RERE: variants seen among roughly 807,000 people sequenced by gnomAD.
RERE encodes arginine-glutamic acid dipeptide repeats protein.
RERE carries 40 observed loss-of-function variants against 146.1 expected under a neutral mutation model. The observed-to-expected ratio is 0.27, with a 90% CI of 0.21 to 0.36. The LOEUF is 0.36. Ranked by LOEUF, RERE falls within the 10% of genes least tolerant of loss-of-function variation. The pLI, the probability that RERE is intolerant of heterozygous loss-of-function variation, is 1.00. For missense variants in RERE, 1,933 were observed against 2,138.7 expected (o/e 0.90, Z 1.90); for synonymous variants, 1,003 against 866.0 (o/e 1.16, Z -2.78).
intron 1 of RERE, among the ~76,000 whole-genome samples, chr1:8,774,951 C>CTTTTTTTTTTTTTTT (rs869173167): frequency 2.3e-4 from 11 of 47,974 alleles, no homozygotes; most frequent in Admixed American, 5.6e-4. Context: ...TTCTTTCTTT[C>CTTTTTTTTTTTTTTT]TTTTTTTTTT....
chr1:8,734,101 C>T (rs773694146), intron 1 of RERE, among the ~76,000 whole-genome samples: 3 of 152,036 alleles, frequency 2.0e-5, no homozygotes, highest in Non-Finnish European at 2.9e-5. Flanking sequence ...GGTGAGACTC[C>T]GTCTCAAAAA....
At chr1:8,366,942 C>CCAAAAAACAAACACA (rs1641830732) in intron 12 of RERE, among the ~76,000 whole-genome samples, 1 of 135,050 alleles carries the variant, frequency 7.4e-6, no homozygotes. Flanking sequence ...AAAAAAAAAA[C>CCAAAAAACAAACACA]CCAAAAAACA....
Position 8,359,967 on chromosome 1 carries a change from GGTC to G in RERE, c.3412_3414del (p.Asp1138del). On this transcript the variant is annotated inframe_deletion, in exon 19 of 23. Coordinates refer to ENST00000400908, the MANE Select transcript of RERE (RefSeq NM_001042681.2). The stretch of plus-strand genomic sequence containing the variant: ...GTCCGGGCACACGAGTTGTAGCCCC[GGTC>G]CAGGTGTTTGTAGAACCTGAGAAAA... The G allele has an allele frequency of 6.2e-7, 1 of 1,612,826 alleles. No homozygotes were observed.
chr1:8,755,700 T>G (rs1014253067), intron 1 of RERE, among the ~76,000 whole-genome samples: 46 of 152,178 alleles, frequency 3.0e-4, no homozygotes, highest in African/African-American at 1.1e-3. Flanking sequence ...CAAGACTTTC[T>G]AGGCAAGCAA....
chr1:8,452,957 C>T (rs1377470782), intron 11 of RERE, among the ~76,000 whole-genome samples: 3 of 152,134 alleles, frequency 2.0e-5, no homozygotes, highest in Non-Finnish European at 4.4e-5. Context: ...AGTAGCATGG[C>T]GTGATGCTCA....
At chr1:8,392,101 A>T (rs997291203) in intron 12 of RERE, among the ~76,000 whole-genome samples, 5 of 152,212 alleles carry the variant, frequency 3.3e-5, no homozygotes, top group Non-Finnish European at 7.3e-5. Flanking sequence ...CTCACAACTC[A>T]CACAATGTTC....
At chr1:8,738,170 T>A (rs994073010) in intron 1 of RERE, among the ~76,000 whole-genome samples, 1 of 152,198 alleles carries the variant, frequency 6.6e-6, no homozygotes, top group Non-Finnish European at 1.5e-5. Flanking sequence ...GGGGCAAACC[T>A]ACACCTCTCC....
chr1:8,693,176 C>T (rs574510266), intron 1 of RERE, among the ~76,000 whole-genome samples: 11 of 152,320 alleles, frequency 7.2e-5, no homozygotes, highest in African/African-American at 2.6e-4. Context: ...CCTCGCAAGA[C>T]AGCATGGCCG....
In RERE at chr1:8,426,500, G is replaced by A. The variant is rs1570214825; in HGVS notation, c.1204-3693C>T. 2.0e-5 allele frequency among the ~76,000 whole-genome samples: 3 copies of A among 150,306 alleles called. No individual in the cohort carries two copies. In the South Asian group the frequency reaches 6.3e-4, roughly 32 times the overall value. On this transcript the variant is annotated intron_variant, in intron 11 of 22. Transcript: ENST00000400908. ...TTCAACGCCCTCCTTTCCTGCTCAT[G>A]CTAGTGGCAGTCCCAGGCCAGACCT...
chr1:8,643,494 C>G (rs1371796976), intron 2 of RERE, among the ~76,000 whole-genome samples: 1 of 152,140 alleles, frequency 6.6e-6, no homozygotes, highest in Non-Finnish European at 1.5e-5. Flanking sequence ...AAAGGACTTA[C>G]GTAAAATACA....
intron 1 of RERE, chr1:8,786,081 C>T: frequency 2.4e-6 from 1 of 422,216 alleles, no homozygotes; most frequent in Non-Finnish European, 4.4e-6. Context: ...CACTCCTCAT[C>T]AGTCTGCCTG....
At chr1:8,505,146 G>C (rs1466475952) in intron 8 of RERE, among the ~76,000 whole-genome samples, 2 of 152,188 alleles carry the variant, frequency 1.3e-5, no homozygotes, top group African/African-American at 2.4e-5. Context: ...GGAATTAAGA[G>C]AGATTTAAGA....
chr1:8,807,774 T>C (rs1641718330), intron 1 of RERE, among the ~76,000 whole-genome samples: 1 of 152,150 alleles, frequency 6.6e-6, no homozygotes, highest in South Asian at 2.1e-4. Flanking sequence ...AAAGACTAAT[T>C]GTTGGGGTCT....
At chr1:8,529,287 C>CTTCTTTTTTTTTTTT (rs1382281413) in intron 7 of RERE, among the ~76,000 whole-genome samples, 57 of 102,440 alleles carry the variant, frequency 5.6e-4, no homozygotes, top group African/African-American at 2.1e-3. Context: ...GTTCTCCCTT[C>CTTCTTTTTTTTTTTT]TTTTTTTTTT....
intron 4 of RERE, among the ~76,000 whole-genome samples, chr1:8,600,556 G>A (rs1283022390): frequency 1.3e-5 from 2 of 152,124 alleles, no homozygotes; most frequent in Non-Finnish European, 2.9e-5. Context: ...GAAAAAGCCA[G>A]GGGGAAGTGA....
At chr1:8,637,446 C>A (rs1466596996) in intron 2 of RERE, among the ~76,000 whole-genome samples, 1 of 152,084 alleles carries the variant, frequency 6.6e-6, no homozygotes, top group Non-Finnish European at 1.5e-5. Flanking sequence ...TGTTCTTCCA[C>A]AAAAATATAG....
intron 20 of RERE, among the ~76,000 whole-genome samples, chr1:8,357,501 G>A (rs1049638092): frequency 5.9e-5 from 9 of 152,300 alleles, no homozygotes; most frequent in African/African-American, 2.2e-4. Flanking sequence ...CTGCACGTAG[G>A]CTGTCCCACA....
chr1:8,368,193 G>A (rs1302744759), intron 12 of RERE, among the ~76,000 whole-genome samples: 1 of 152,252 alleles, frequency 6.6e-6, no homozygotes, highest in Admixed American at 6.5e-5. Context: ...GATGTGGCCA[G>A]GTGCGGTGGC....
chr1:8,646,877 T>C (rs951349879), intron 2 of RERE, among the ~76,000 whole-genome samples: 1 of 152,168 alleles, frequency 6.6e-6, no homozygotes, highest in Non-Finnish European at 1.5e-5. Flanking sequence ...TCCCAGCACT[T>C]TGGGAGGCCA....
Sources: allele counts gnomAD v4.1 joint callset (sites outside exome capture counted in the v4.1 genomes callset), GRCh38; gene constraint gnomAD v4.1.1; transcripts MANE v1.5; gene names NCBI Gene and HGNC (gene_info 2026-07-23, HGNC 2026-07-21).